ANKMY1: variants seen among roughly 807,000 people sequenced by gnomAD.
ANKMY1 encodes ankyrin repeat and MYND domain containing 1, also known as ankyrin repeat and MYND domain-containing protein 1.
Under a neutral mutation model 102.0 loss-of-function variants are expected in ANKMY1, and 98 were observed. The ratio of observed to expected loss-of-function variants is 0.96; its 90% CI spans 0.82 to 1.14. The LOEUF (loss-of-function observed/expected upper bound fraction) is 1.14, where lower values mean the gene tolerates loss of function less well. Ranked by LOEUF, ANKMY1 falls within the 50% of genes most tolerant of loss-of-function variation. The probability of loss-of-function intolerance (pLI) is 0.00; values close to 1 mark genes in which losing one functional copy is unlikely to be tolerated. For synonymous variants in ANKMY1, 582 were observed against 559.9 expected, an observed-to-expected ratio of 1.04 and a Z score of -0.56; for missense variants, 1,330 against 1,347.6, an observed-to-expected ratio of 0.99 and a Z score of 0.20.
intron 15 of ANKMY1, among the ~76,000 whole-genome samples, chr2:240,487,629 G>A (rs754222757): frequency 1.9e-4 from 29 of 151,878 alleles, no homozygotes; most frequent in African/African-American, 5.1e-4. Flanking sequence ...CCTTTCTACC[G>A]TCTGTCATTT....
chr2:240,525,686 T>A lies in ANKMY1; in HGVS notation c.1334A>T (p.Gln445Leu). 1 of 1,613,742 alleles carries A rather than the reference T, an allele frequency of 6.2e-7. No homozygotes were observed. Among genetic ancestry groups the A allele is most frequent in the South Asian group, 1.1e-5 (1 of 91,038 alleles). ...TGCAGTGGCCACCGGGGGGCTTACCTGGGGCTCAGGTATGGTCCGTTCAGC... is the reference window on the plus strand; with the variant it reads ...TGCAGTGGCCACCGGGGGGCTTACCAGGGGCTCAGGTATGGTCCGTTCAGC... ...NVAERTIPEPQEPPKFPVVPI... is the reference protein window; with the variant it reads ...NVAERTIPEPLEPPKFPVVPI... The change falls in exon 7 of 18, where the codon CAG becomes CTG. Residue 445 changes from glutamine to leucine, a missense_variant and splice_region_variant. Gln to Leu is a moderately radical substitution (Grantham distance 113, BLOSUM62 -2). Coordinates refer to ENST00000401804, the MANE Select transcript of ANKMY1 (RefSeq NM_001282771.3).
At chr2:240,503,727 GGGTT>G (rs2078602887) in intron 13 of ANKMY1, among the ~76,000 whole-genome samples, 1 of 152,290 alleles carries the variant, frequency 6.6e-6, no homozygotes, top group East Asian at 1.9e-4. Context: ...CATGTGTGGT[GGGTT>G]CACCTGGGTC....
Position 240,481,112 on chromosome 2 carries a change from C to T in ANKMY1, c.2886-15G>A. ...AGAAGGGAATTCTGCAACAGAGCCTCACCGTCAGCAGGCGGCCACTCCAGA... is the reference window on the plus strand; with the variant it reads ...AGAAGGGAATTCTGCAACAGAGCCTTACCGTCAGCAGGCGGCCACTCCAGA... On this transcript the variant is annotated splice_polypyrimidine_tract_variant and intron_variant, in intron 16 of 17. Transcript: ENST00000401804. 1 of 1,599,800 alleles carries T rather than the reference C, an allele frequency of 6.3e-7. No homozygotes were observed. Among genetic ancestry groups the T allele is most frequent in the Non-Finnish European group, 8.6e-7 (1 of 1,168,646 alleles).
At chr2:240,534,587 G>A (rs1048792923) in intron 4 of ANKMY1, among the ~76,000 whole-genome samples, 1 of 151,836 alleles carries the variant, frequency 6.6e-6, no homozygotes, top group African/African-American at 2.4e-5. Flanking sequence ...GGGCAACACA[G>A]CAAGACCCTG....
rs62621191 is a variant in ANKMY1 at position 240,557,353 on chromosome 2, C to A, written c.-17-1G>T. The A allele has an allele frequency of 0.14, 209,767 of 1,505,284 alleles. 15,688 individuals carry two copies. The highest frequency in any genetic ancestry group is 0.19 in the Middle Eastern group (1,062 of 5,640). The allele number at this position is 1,505,284 out of a possible 1,614,324, so 93.2% of individuals were successfully genotyped here. The stretch of plus-strand genomic sequence containing the variant: ...CCTTCCATGTCTGTGGTCTTCCAAC[C>A]TGCAAGCGACGTCAGGACCGCACAT... On this transcript the variant is annotated splice_acceptor_variant, in intron 1 of 17. Coordinates refer to ENST00000401804, the MANE Select transcript of ANKMY1 (RefSeq NM_001282771.3). LOFTEE classifies it low-confidence loss of function (5UTR_SPLICE).
chr2:240,511,673 C>T (rs1394170388), intron 11 of ANKMY1, among the ~76,000 whole-genome samples, 188 bp downstream of exon 11: 1 of 152,248 alleles, frequency 6.6e-6, no homozygotes, highest in Non-Finnish European at 1.5e-5. Flanking sequence ...CGCAGGCGTG[C>T]GTGTGTGCAT....
At chr2:240,482,435 G>T (rs1026209133) in intron 15 of ANKMY1, among the ~76,000 whole-genome samples, 174 bp from the exon 16 acceptor site, 5 of 152,386 alleles carry the variant, frequency 3.3e-5, no homozygotes, top group African/African-American at 1.2e-4. Flanking sequence ...AGAGCGGGAT[G>T]TGGACCTGGA....
intron 2 of ANKMY1, 145 bp downstream of exon 2, chr2:240,557,045 G>A: frequency 1.0e-6 from 1 of 955,964 alleles, no homozygotes. Flanking sequence ...CTGACACAGT[G>A]TTGAGGCTTT....
At chr2:240,550,835 C>T (rs865898674) in intron 4 of ANKMY1, among the ~76,000 whole-genome samples, 11 of 151,624 alleles carry the variant, frequency 7.3e-5, no homozygotes, top group African/African-American at 2.7e-4. Context: ...AACCAAATTT[C>T]CTTGTCATCT....
intron 2 of ANKMY1, 178 bp from the exon 3 acceptor site, chr2:240,555,233 T>C: frequency 6.1e-6 from 4 of 655,080 alleles, no homozygotes; most frequent in Non-Finnish European, 5.2e-6. Context: ...GGTGCAGCGA[T>C]TGCCCAAGGC....
chr2:240,557,495 CACA>C, intron 1 of ANKMY1, 143 bp from the exon 2 acceptor site: 4 of 930,570 alleles, frequency 4.3e-6, no homozygotes, highest in Non-Finnish European at 5.9e-6. Flanking sequence ...GGCCGCCACC[CACA>C]GGTCCCGGAC....
Position 240,529,441 on chromosome 2 carries a change from C to G in ANKMY1, c.549G>C (p.Val183=), listed in dbSNP as rs1292911017. 6 of 1,614,014 alleles carry G rather than the reference C, an allele frequency of 3.7e-6. No homozygotes were observed. In the Admixed American group the frequency reaches 5.0e-5, roughly 13 times the overall value. ...VETYPDGSQD[V]GLWFREQLIK... is the part of the protein sequence containing the mutation. ...TGAGCTGCTCTCGGAACCACAGCCC[C>G]ACGTCCTGGCTGCCATCGGGGTAGG... The change falls in exon 5 of 18, where the codon GTG becomes GTC. Residue 183 remains valine, a synonymous_variant. Coordinates refer to ENST00000401804, the MANE Select transcript of ANKMY1 (RefSeq NM_001282771.3). The surrounding 1 kb of genome is among the most constrained non-coding windows in gnomAD (Gnocchi z 4.2).
chr2:240,529,192 A>T lies in ANKMY1; in HGVS notation c.798T>A (p.Ser266Arg). 1 of 1,614,208 alleles carries T rather than the reference A, an allele frequency of 6.2e-7. No individual in the cohort carries two copies. Among genetic ancestry groups the T allele is most frequent in the Non-Finnish European group, 8.5e-7 (1 of 1,180,034 alleles). The change falls in exon 5 of 18, where the codon AGT becomes AGA. Residue 266 changes from serine (S) to arginine (R), a missense_variant. Physicochemically the swap from Ser to Arg is moderately radical, Grantham distance 110. Transcript: ENST00000401804. The surrounding 1 kb of genome is among the most constrained non-coding windows in gnomAD (Gnocchi z 4.2). ...AAGAGCTTGTCATGGGCAGGTGGTC[A>T]CTGTTGGTCGAGTAGACATACATTT... Reference protein sequence around the residue: ...PPEMYVYSTNSDHLPMTSSFR... With the variant: ...PPEMYVYSTNRDHLPMTSSFR...
At chr2:240,527,083 G>C (rs1264499777) in intron 5 of ANKMY1, 1 of 690,466 alleles carries the variant, frequency 1.4e-6, no homozygotes, top group Non-Finnish European at 1.8e-6. Context: ...TGGATGAATG[G>C]ATGGGTGGGT....
intron 4 of ANKMY1, among the ~76,000 whole-genome samples, chr2:240,533,718 AACAC>A (rs34916770): frequency 0.11 from 15,871 of 145,438 alleles, 885 homozygotes; most frequent in African/African-American, 0.15. Context: ...GATTTCAATA[AACAC>A]ACACACACAC....
At chr2:240,540,526 C>A (rs896802246) in intron 4 of ANKMY1, among the ~76,000 whole-genome samples, 8 of 152,208 alleles carry the variant, frequency 5.3e-5, no homozygotes, top group African/African-American at 1.9e-4. Context: ...CAATGAGACT[C>A]CAGGCCCCTC....
At chr2:240,518,098 G>A (rs1362887682) in intron 9 of ANKMY1, among the ~76,000 whole-genome samples, 1 of 152,166 alleles carries the variant, frequency 6.6e-6, no homozygotes, top group Non-Finnish European at 1.5e-5. Flanking sequence ...GACGAATGGG[G>A]GGGAAGGGTG....
At chr2:240,511,785 CG>C (rs1421606091) in intron 11 of ANKMY1, 75 bp downstream of exon 11, 2 of 1,477,606 alleles carry the variant, frequency 1.4e-6, no homozygotes, top group Non-Finnish European at 8.9e-7. Flanking sequence ...CACATGCTTC[CG>C]GGGGCACAAG....
At chr2:240,534,852 C>T (rs1279142074) in intron 4 of ANKMY1, among the ~76,000 whole-genome samples, 1 of 151,828 alleles carries the variant, frequency 6.6e-6, no homozygotes, top group Non-Finnish European at 1.5e-5. Flanking sequence ...CCAATAATCC[C>T]AGCACTTTCG....
Sources: allele counts gnomAD v4.1 joint callset (sites outside exome capture counted in the v4.1 genomes callset), GRCh38; gene constraint gnomAD v4.1.1; non-coding constraint Gnocchi (gnomAD v3.1); transcripts MANE v1.5; gene names NCBI Gene and HGNC (gene_info 2026-07-23, HGNC 2026-07-21).